RANBP2: variants seen among roughly 807,000 people sequenced by gnomAD.
RANBP2 encodes RAN binding protein 2.
In RANBP2, 57 loss-of-function variants were observed where a neutral mutation model predicts 303.6. That is an observed-to-expected ratio of 0.19 (90% CI 0.15 to 0.23). RANBP2 has a LOEUF of 0.23. Ranked by LOEUF, RANBP2 falls within the 10% of genes least tolerant of loss-of-function variation. The pLI, the probability that RANBP2 is intolerant of heterozygous loss-of-function variation, is 1.00. For synonymous variants in RANBP2, 1,167 were observed against 1,301.5 expected (o/e 0.90, Z 2.23); for missense variants, 3,138 against 3,780.8 (o/e 0.83, Z 4.46).
At chr2:109,334,192 C>CA in the RANBP2 span, among the ~76,000 whole-genome samples, 23 of 151,952 alleles carry the variant, frequency 1.5e-4, no homozygotes, top group East Asian at 1.9e-4. Context: ...CCCGTCCCTA[C>CA]AAAAAAATAG....
the RANBP2 span, among the ~76,000 whole-genome samples, chr2:109,117,640 A>G: frequency 2.0e-5 from 3 of 152,310 alleles, no homozygotes; most frequent in African/African-American, 7.2e-5. Flanking sequence ...CGCTGCACGC[A>G]CTGTCCTGCG....
the RANBP2 span, among the ~76,000 whole-genome samples, chr2:109,203,368 T>C: frequency 0.39 from 60,040 of 152,126 alleles, 14,968 homozygotes; most frequent in Non-Finnish European, 0.56. Context: ...TGCCCTGTTG[T>C]GAGACGGATG....
the RANBP2 span, among the ~76,000 whole-genome samples, chr2:109,694,169 A>C: frequency 6.6e-6 from 1 of 152,124 alleles, no homozygotes. Flanking sequence ...TGGATTTCTC[A>C]TGAATGGCTT....
chr2:109,090,142 T>C, the RANBP2 span, among the ~76,000 whole-genome samples: 1 of 151,248 alleles, frequency 6.6e-6, no homozygotes, highest in South Asian at 2.1e-4. Context: ...CGCAGAGGAG[T>C]GAAAGCTTAG....
At chr2:108,857,881 G>A in the RANBP2 span, among the ~76,000 whole-genome samples, 1 of 152,208 alleles carries the variant, frequency 6.6e-6, no homozygotes, top group Non-Finnish European at 1.5e-5. Flanking sequence ...TTCTGAATAT[G>A]ACAGAGATGG....
At chr2:109,097,712 T>C in the RANBP2 span, among the ~76,000 whole-genome samples, 1 of 149,530 alleles carries the variant, frequency 6.7e-6, no homozygotes, top group Non-Finnish European at 1.5e-5. Context: ...GATTTTAATA[T>C]ATGTTTAAAT....
the RANBP2 span, chr2:109,432,555 C>T: frequency 6.2e-7 from 1 of 1,613,710 alleles, no homozygotes; most frequent in African/African-American, 1.3e-5. Context: ...TGGAGCTGCA[C>T]AAGGGAGAGA....
chr2:109,643,155 A>T, the RANBP2 span, among the ~76,000 whole-genome samples: 6,759 of 151,936 alleles, frequency 0.044, 156 homozygotes, highest in South Asian at 0.098. Flanking sequence ...GCATTCTAGC[A>T]TTCCAGCCTG....
the RANBP2 span, among the ~76,000 whole-genome samples, chr2:108,850,485 CCT>C: frequency 6.6e-6 from 1 of 151,798 alleles, no homozygotes; most frequent in Non-Finnish European, 1.5e-5. Flanking sequence ...AGAGTTTCAC[CCT>C]GTCGCCCAGG....
At chr2:109,667,850 C>T in the RANBP2 span, 1,358 of 187,230 alleles carry the variant, frequency 7.3e-3, 16 homozygotes, top group African/African-American at 0.026. Flanking sequence ...AGCAGCAGCA[C>T]CTGCAGAATA....
At chr2:109,635,114 A>C in the RANBP2 span, among the ~76,000 whole-genome samples, 1 of 152,168 alleles carries the variant, frequency 6.6e-6, no homozygotes, top group African/African-American at 2.4e-5. Context: ...GTGTTAAAAA[A>C]AAAAAAGAAA....
At chr2:108,942,698 C>G in the RANBP2 span, among the ~76,000 whole-genome samples, 2 of 152,248 alleles carry the variant, frequency 1.3e-5, no homozygotes, top group African/African-American at 4.8e-5. Flanking sequence ...CGTTCCTGTT[C>G]CCGCCTCTCC....
At chr2:108,817,474 G>T in the RANBP2 span, among the ~76,000 whole-genome samples, 8 of 151,942 alleles carry the variant, frequency 5.3e-5, no homozygotes, top group Non-Finnish European at 1.2e-4. Flanking sequence ...TGTATTTTTA[G>T]TAGAGACGGG....
At chr2:109,296,190 A>G in the RANBP2 span, among the ~76,000 whole-genome samples, 2 of 151,810 alleles carry the variant, frequency 1.3e-5, no homozygotes, top group Non-Finnish European at 2.9e-5. Flanking sequence ...GCCTCCTCCC[A>G]TCTCCTGGCT....
chr2:109,075,025 C>CAAAAAAAA, the RANBP2 span, among the ~76,000 whole-genome samples: 6 of 44,672 alleles, frequency 1.3e-4, no homozygotes, highest in East Asian at 5.7e-4. Context: ...GTCTCCATCT[C>CAAAAAAAA]AAAAAAAAAA....
At chr2:108,944,770 C>A in the RANBP2 span, among the ~76,000 whole-genome samples, 1 of 152,148 alleles carries the variant, frequency 6.6e-6, no homozygotes, top group Non-Finnish European at 1.5e-5. Flanking sequence ...CGGTCCCAGA[C>A]CTTCCTGAGG....
At chr2:109,207,236 T>TA in the RANBP2 span, among the ~76,000 whole-genome samples, 1 of 152,236 alleles carries the variant, frequency 6.6e-6, no homozygotes, top group African/African-American at 2.4e-5. Flanking sequence ...TTTTATGAGT[T>TA]ACAATTATTA....
the RANBP2 span, chr2:109,619,040 A>G: frequency 6.0e-6 from 1 of 166,930 alleles, no homozygotes; most frequent in African/African-American, 2.4e-5. Context: ...CTTTTTACAT[A>G]TACTGTGTTT....
the RANBP2 span, chr2:109,347,569 A>G: frequency 6.9e-7 from 1 of 1,454,688 alleles, no homozygotes; most frequent in South Asian, 1.4e-5. Flanking sequence ...ATGCACCCCC[A>G]GGACACAGAA....
Sources: allele counts gnomAD v4.1 joint callset (sites outside exome capture counted in the v4.1 genomes callset), GRCh38; gene constraint gnomAD v4.1.1; transcripts MANE v1.5; gene names NCBI Gene and HGNC (gene_info 2026-07-23, HGNC 2026-07-21).